Variants in GRM8 observed in about 807,000 individuals in gnomAD.
GRM8 encodes the protein glutamate metabotropic receptor 8, also known as metabotropic glutamate receptor 8.
In GRM8, 47 loss-of-function variants were observed where a neutral mutation model predicts 87.2. The ratio of observed to expected loss-of-function variants is 0.54; its 90% CI spans 0.43 to 0.69. GRM8 has a LOEUF of 0.69. GRM8 is among the 30% of genes least tolerant of loss of function. The probability of loss-of-function intolerance (pLI) is 0.00; values close to 1 mark genes in which losing one functional copy is unlikely to be tolerated. For missense variants in GRM8, 1,019 were observed against 1,139.2 expected, an observed-to-expected ratio of 0.89 and a Z score of 1.52; for synonymous variants, 396 against 404.5, an observed-to-expected ratio of 0.98 and a Z score of 0.25.
Position 126,652,357 on chromosome 7 carries a change from C to A in GRM8, c.1358-42859G>T, listed in dbSNP as rs7803165. Among the ~76,000 whole-genome samples the A allele has an allele frequency of 4.2e-3, 641 of 151,954 alleles. 9 individuals carry two copies. Among genetic ancestry groups the A allele is most frequent in the South Asian group, 0.042 (202 of 4,804 alleles). On this transcript the variant is annotated intron_variant, in intron 7 of 10. Coordinates refer to ENST00000339582, the MANE Select transcript of GRM8 (RefSeq NM_000845.3). ...TGCGTATGGGTTCAAGTCGACAAGG[C>A]GTAGACTTACAATGATTAATACTGA...
At chr7:127,017,838 G>A (rs976474230) in intron 3 of GRM8, among the ~76,000 whole-genome samples, 4 of 152,062 alleles carry the variant, frequency 2.6e-5, no homozygotes, top group Admixed American at 2.0e-4. Context: ...GAATATTAAC[G>A]AAAATACTTA....
chr7:127,072,234 T>G (rs1768449602), intron 3 of GRM8, among the ~76,000 whole-genome samples: 1 of 152,196 alleles, frequency 6.6e-6, no homozygotes, highest in African/African-American at 2.4e-5. Flanking sequence ...TTCATTTTCC[T>G]CATACTTGCA....
At chr7:126,888,927 C>T (rs922073366) in intron 6 of GRM8, among the ~76,000 whole-genome samples, 1 of 151,982 alleles carries the variant, frequency 6.6e-6, no homozygotes, top group Non-Finnish European at 1.5e-5. Context: ...AAGCCTGCAG[C>T]TAAAGGTTAT....
intron 7 of GRM8, among the ~76,000 whole-genome samples, chr7:126,623,460 C>T (rs1026136166): frequency 2.0e-5 from 3 of 152,120 alleles, no homozygotes; most frequent in South Asian, 2.1e-4. Context: ...TACAGCTTAT[C>T]ACAATTCAGA....
intron 9 of GRM8, among the ~76,000 whole-genome samples, chr7:126,479,301 TCA>T (rs1254362658): frequency 6.6e-6 from 1 of 152,078 alleles, no homozygotes; most frequent in Admixed American, 6.6e-5. Context: ...TTTAGTATAT[TCA>T]CAGAGCTTTG....
In GRM8 at chr7:126,440,117, T is replaced by TATA. The variant is rs1251336202; in HGVS notation, c.2678-952_2678-950dup. On this transcript the variant is annotated intron_variant, in intron 10 of 10. Coordinates refer to ENST00000339582, the MANE Select transcript of GRM8 (RefSeq NM_000845.3). ...TAGTGTAGTCTAAGTGTAGAGTTTT[T>TATA]ATAATATCTACAGTGGCTGGGTGCA... is the stretch of plus-strand genomic sequence containing the variant. 7.6e-4 allele frequency among the ~76,000 whole-genome samples: 115 copies of TATA among 151,708 alleles called. 1 individual carries two copies. The highest frequency in any genetic ancestry group is 2.6e-3 in the African/African-American group (109 of 41,328).
intron 8 of GRM8, among the ~76,000 whole-genome samples, chr7:126,545,048 A>G (rs914306163): frequency 6.6e-5 from 10 of 152,218 alleles, no homozygotes; most frequent in East Asian, 1.9e-4. Context: ...ATGGTTTCTG[A>G]TATTTGTTAC....
intron 7 of GRM8, among the ~76,000 whole-genome samples, chr7:126,640,387 T>A (rs1201656750): frequency 1.3e-5 from 2 of 152,152 alleles, no homozygotes; most frequent in East Asian, 3.9e-4. Context: ...TATTTCAAAC[T>A]GAGGGAAAAC....
At chr7:126,675,905 A>C (rs1364081269) in intron 7 of GRM8, among the ~76,000 whole-genome samples, 1 of 152,198 alleles carries the variant, frequency 6.6e-6, no homozygotes, top group African/African-American at 2.4e-5. Flanking sequence ...GTCAGGCAAA[A>C]GAAAGAAGAA....
intron 9 of GRM8, among the ~76,000 whole-genome samples, chr7:126,469,255 C>T (rs1284821209): frequency 5.3e-5 from 8 of 152,154 alleles, no homozygotes; most frequent in African/African-American, 1.9e-4. Context: ...TCAACTTTCA[C>T]CATTCTACAG....
chr7:126,634,671 T>G (rs956639378), intron 7 of GRM8, among the ~76,000 whole-genome samples: 1 of 133,982 alleles, frequency 7.5e-6, no homozygotes, highest in Non-Finnish European at 1.7e-5. Flanking sequence ...CTGCCTTCCT[T>G]CCTCCCCCCA....
At chr7:126,877,988 G>A (rs753216635) in intron 6 of GRM8, among the ~76,000 whole-genome samples, 1 of 152,092 alleles carries the variant, frequency 6.6e-6, no homozygotes, top group Admixed American at 6.5e-5. Context: ...GATTTACAAT[G>A]ATGAAACATT....
rs28952003 is a variant in GRM8 at position 127,201,045 on chromosome 7, T to C, written c.510+41650A>G. Reference sequence around the variant, plus strand: ...TAAAATCTGTCATTTTTCTTGCTTATGTTGATATTGTGCTTTATATTTACA... The same window carrying C: ...TAAAATCTGTCATTTTTCTTGCTTACGTTGATATTGTGCTTTATATTTACA... On this transcript the variant is annotated intron_variant, in intron 2 of 10. Coordinates refer to ENST00000339582, the MANE Select transcript of GRM8 (RefSeq NM_000845.3). Among the ~76,000 whole-genome samples the C allele has an allele frequency of 4.5e-4, 68 of 152,366 alleles. 1 individual carries two copies. Among genetic ancestry groups the C allele is most frequent in the East Asian group, 7.7e-4 (4 of 5,190 alleles).
intron 3 of GRM8, among the ~76,000 whole-genome samples, chr7:126,973,837 GGA>G (rs1335949850): frequency 2.6e-5 from 4 of 152,126 alleles, no homozygotes; most frequent in African/African-American, 9.7e-5. Flanking sequence ...TCTTATATGT[GGA>G]GTCTAAATAA....
At chr7:126,747,274 A>G (rs528190444) in intron 7 of GRM8, among the ~76,000 whole-genome samples, 1 of 152,134 alleles carries the variant, frequency 6.6e-6, no homozygotes, top group East Asian at 1.9e-4. Context: ...CTTCAACTAC[A>G]AAAATATTTT....
At chr7:126,545,014 G>A (rs1002809205) in intron 8 of GRM8, among the ~76,000 whole-genome samples, 6 of 152,064 alleles carry the variant, frequency 3.9e-5, no homozygotes, top group East Asian at 3.9e-4. Context: ...TGTTTTTATC[G>A]TCCGACAATC....
At chr7:127,004,350 G>T (rs941561302) in intron 3 of GRM8, among the ~76,000 whole-genome samples, 1 of 150,640 alleles carries the variant, frequency 6.6e-6, no homozygotes, top group Non-Finnish European at 1.5e-5. Flanking sequence ...GAATAGACAA[G>T]GTTGAAAACT....
At chr7:126,589,631 C>G (rs953392952) in intron 8 of GRM8, among the ~76,000 whole-genome samples, 1 of 152,200 alleles carries the variant, frequency 6.6e-6, no homozygotes, top group Non-Finnish European at 1.5e-5. Context: ...GGCTCATGCT[C>G]TCTTGAAAGT....
At chr7:127,215,124 C>T (rs2116660951) in intron 2 of GRM8, 1 of 152,238 alleles carries the variant, frequency 6.6e-6, no homozygotes, top group South Asian at 2.1e-4. Context: ...TCTAAAGAGC[C>T]CCAGCTGTGG....
Sources: gnomAD v4.1 joint callset for allele counts (sites outside exome capture counted in the v4.1 genomes callset) on GRCh38, gnomAD v4.1.1 for gene constraint, MANE v1.5 for transcripts, NCBI Gene and HGNC (gene_info 2026-07-23, HGNC 2026-07-21) for gene names.